Variants in TMEM45B observed in about 807,000 individuals in gnomAD.
TMEM45B encodes transmembrane protein 45B.
A neutral mutation model predicts 27.3 loss-of-function variants in TMEM45B; 29 were observed. The ratio of observed to expected loss-of-function variants is 1.06; its 90% CI spans 0.79 to 1.45. TMEM45B has a LOEUF of 1.45. TMEM45B is among the 40% of genes most tolerant of loss of function. The pLI, the probability that TMEM45B is intolerant of heterozygous loss-of-function variation, is 0.00. For synonymous variants in TMEM45B, 143 were observed against 134.7 expected (o/e 1.06, Z -0.43); for missense variants, 348 against 343.9 (o/e 1.01, Z -0.09).
rs1422991635 is a variant in TMEM45B at position 129,858,459 on chromosome 11, G to T, written c.717-115G>T. ...TCTAGTTTATAGACATGTAATCACA[G>T]TATTTGATAGAAATATAAAGAAAAT... On this transcript the variant is annotated intron_variant, in intron 5 of 5. Coordinates refer to ENST00000281441, the MANE Select transcript of TMEM45B (RefSeq NM_138788.5). 3 of 654,780 alleles carry T rather than the reference G, an allele frequency of 4.6e-6. No individual in the cohort carries two copies. In the East Asian group the frequency reaches 9.2e-5, roughly 20 times the overall value. 40.6% of individuals were successfully genotyped at this position (654,780 alleles called of 1,614,324 possible).
At chr11:129,855,489 C>T (rs1947909087) in intron 3 of TMEM45B, among the ~76,000 whole-genome samples, 1 of 152,190 alleles carries the variant, frequency 6.6e-6, no homozygotes, top group South Asian at 2.1e-4. Context: ...ATACTGACCC[C>T]ACCATGGGTT....
chr11:129,844,989 TGAA>T (rs1378583131), intron 1 of TMEM45B, among the ~76,000 whole-genome samples: 1 of 152,020 alleles, frequency 6.6e-6, no homozygotes, highest in African/African-American at 2.4e-5. Context: ...CAGAAAGAAA[TGAA>T]GAACGCTGGA....
chr11:129,853,126 T>C (rs692311), intron 2 of TMEM45B, among the ~76,000 whole-genome samples: 35,125 of 152,130 alleles, frequency 0.23, 4,743 homozygotes, highest in African/African-American at 0.38. Context: ...AGAGAGTTTA[T>C]GTAGATTCGT....
intron 1 of TMEM45B, among the ~76,000 whole-genome samples, chr11:129,821,228 G>C (rs1947415993): frequency 6.6e-6 from 1 of 152,132 alleles, no homozygotes; most frequent in Non-Finnish European, 1.5e-5. Flanking sequence ...TCACCAAGAA[G>C]TCATTTCCTG....
At chr11:129,842,495 T>A (rs760855201) in intron 1 of TMEM45B, among the ~76,000 whole-genome samples, 2 of 152,212 alleles carry the variant, frequency 1.3e-5, no homozygotes, top group Non-Finnish European at 2.9e-5. Context: ...CCCACTCATA[T>A]AAGGTTAACT....
At position 129,854,523 on chromosome 11, in the gene TMEM45B, T is replaced by A; in HGVS notation, c.179-87T>A. ...CACCCTCACCTCACCCCATCTCCGC[T>A]TCGCTCATGCCTTTGGGTTATTCCT... On this transcript the variant is annotated intron_variant, in intron 2 of 5. Coordinates refer to ENST00000281441, the MANE Select transcript of TMEM45B (RefSeq NM_138788.5). 2.1e-6 allele frequency: 3 copies of A among 1,397,850 alleles called. No individual in the cohort carries two copies. In the South Asian group the frequency reaches 3.8e-5, roughly 18 times the overall value. The allele number at this position is 1,397,850 out of a possible 1,614,324, so 86.6% of individuals were successfully genotyped here.
intron 1 of TMEM45B, among the ~76,000 whole-genome samples, chr11:129,851,218 G>A (rs1340125343): frequency 2.0e-5 from 3 of 152,170 alleles, no homozygotes; most frequent in African/African-American, 7.2e-5. Context: ...GTTCAGGAGG[G>A]AGGGGCCCTC....
chr11:129,845,906 T>G (rs963412462), intron 1 of TMEM45B, among the ~76,000 whole-genome samples: 4 of 151,766 alleles, frequency 2.6e-5, no homozygotes, highest in African/African-American at 7.3e-5. Flanking sequence ...GTAGGGTGGG[T>G]GGAAAACAAG....
intron 1 of TMEM45B, among the ~76,000 whole-genome samples, chr11:129,838,934 T>C (rs2135577063): frequency 6.6e-6 from 1 of 152,336 alleles, no homozygotes; most frequent in Non-Finnish European, 1.5e-5. Flanking sequence ...TATCAAGTTT[T>C]ACTTTTAACT....
At chr11:129,821,042 C>A (rs1947413536) in intron 1 of TMEM45B, among the ~76,000 whole-genome samples, 1 of 152,096 alleles carries the variant, frequency 6.6e-6, no homozygotes, top group African/African-American at 2.4e-5. Context: ...TTTAAGTTCC[C>A]AGTACGGTTA....
intron 2 of TMEM45B, among the ~76,000 whole-genome samples, chr11:129,853,997 T>C (rs1591452401): frequency 6.6e-6 from 1 of 152,206 alleles, no homozygotes; most frequent in South Asian, 2.1e-4. Flanking sequence ...CTGGCCCACA[T>C]CCTGGGGCCT....
At position 129,852,583 on chromosome 11, in the gene TMEM45B, G is replaced by C; in HGVS notation, c.101G>C (p.Arg34Pro). 6.2e-7 allele frequency: 1 copy of C among 1,613,938 alleles called. No individual in the cohort carries two copies. Among genetic ancestry groups the C allele is most frequent in the Non-Finnish European group, 8.5e-7 (1 of 1,179,906 alleles). ...KYPLKYFSHT[R>P]KNSPLHYYQR... ...CCGCTGAAGTACTTTAGCCACACGC[G>C]GAAGAACAGCCCACTACATTACTAT... The change falls in exon 2 of 6, where the codon CGG becomes CCG. Residue 34 changes from arginine (R) to proline (P), a missense_variant. Coordinates refer to ENST00000281441, the MANE Select transcript of TMEM45B (RefSeq NM_138788.5).
At chr11:129,835,638 G>A (rs1464615989) in intron 1 of TMEM45B, among the ~76,000 whole-genome samples, 3 of 152,216 alleles carry the variant, frequency 2.0e-5, no homozygotes, top group African/African-American at 7.2e-5. Flanking sequence ...CTTGGGCCCA[G>A]GCACACAGAT....
At chr11:129,835,811 G>C (rs182241254) in intron 1 of TMEM45B, among the ~76,000 whole-genome samples, 144 of 152,306 alleles carry the variant, frequency 9.5e-4, no homozygotes, top group African/African-American at 3.3e-3. Flanking sequence ...GAGCCAAAGA[G>C]GATTATTCTC....
chr11:129,851,409 T>A (rs1947843978), intron 1 of TMEM45B, among the ~76,000 whole-genome samples: 1 of 150,074 alleles, frequency 6.7e-6, no homozygotes, highest in Non-Finnish European at 1.5e-5. Flanking sequence ...CCAGGCGTGG[T>A]GGCGGGTGCC....
chr11:129,858,685 A>G lies in TMEM45B; in HGVS notation c.828A>G (p.Ter276TrpextTer75). 2 of 1,555,824 alleles carry G rather than the reference A, an allele frequency of 1.3e-6. No individual in the cohort carries two copies. Among genetic ancestry groups the G allele is most frequent in the Admixed American group, 1.9e-5 (1 of 51,352 alleles). The change falls in exon 6 of 6, where the codon TGA becomes TGG. Residue 276 changes from the stop codon to tryptophan, a stop_lost. Transcript: ENST00000281441. Reference sequence around the variant, plus strand: ...TCTTGAGTGGCTCAGATGAGGAATGAGCCGAGATGCGGAGGGCGCAGATGT... The same window carrying G: ...TCTTGAGTGGCTCAGATGAGGAATGGGCCGAGATGCGGAGGGCGCAGATGT... ...TALLSGSDEE[*>W]
intron 1 of TMEM45B, among the ~76,000 whole-genome samples, chr11:129,825,793 C>CA (rs1947470797): frequency 6.6e-6 from 1 of 152,084 alleles, no homozygotes; most frequent in Non-Finnish European, 1.5e-5. Flanking sequence ...GTGGAGAAGG[C>CA]AGAGAGCCCA....
In TMEM45B at chr11:129,858,748, C is replaced by G. The variant is rs1392431813; in HGVS notation, c.*63C>G. 1 of 1,217,354 alleles carries G rather than the reference C, an allele frequency of 8.2e-7. No homozygotes were observed. Among genetic ancestry groups the G allele is most frequent in the African/African-American group, 1.5e-5 (1 of 66,342 alleles). 75.4% of individuals were successfully genotyped at this position (1,217,354 alleles called of 1,614,324 possible). ...CTGGAATGAATGGAGTTCATCCCCT[C>G]CACCTGAATGCCTGCTGTGGTCTGA... is the stretch of plus-strand genomic sequence containing the variant. On this transcript the variant is annotated 3_prime_UTR_variant, in exon 6 of 6. Coordinates refer to ENST00000281441, the MANE Select transcript of TMEM45B (RefSeq NM_138788.5).
At position 129,852,558 on chromosome 11, in the gene TMEM45B, C is replaced by A; in HGVS notation, c.76C>A (p.Pro26Thr). The A allele has an allele frequency of 6.2e-7, 1 of 1,613,926 alleles. No homozygotes were observed. Among genetic ancestry groups the A allele is most frequent in the Non-Finnish European group, 8.5e-7 (1 of 1,179,840 alleles). Residue 26 changes from proline to threonine, a missense_variant, in exon 2 of 6, where the codon CCG becomes ACG. Physicochemically the swap from Pro to Thr is conservative, Grantham distance 38. Transcript: ENST00000281441. ...TGGGCTGTGTTGGTCAGTGAAGTACCCGCTGAAGTACTTTAGCCACACGCG... is the reference window on the plus strand; with the variant it reads ...TGGGCTGTGTTGGTCAGTGAAGTACACGCTGAAGTACTTTAGCCACACGCG... ...IIGLCWSVKYPLKYFSHTRKN... is the reference protein window; with the variant it reads ...IIGLCWSVKYTLKYFSHTRKN...
Sources: allele counts gnomAD v4.1 joint callset (sites outside exome capture counted in the v4.1 genomes callset), GRCh38; gene constraint gnomAD v4.1.1; transcripts MANE v1.5; gene names NCBI Gene and HGNC (gene_info 2026-07-23, HGNC 2026-07-21).